ADGRL2: variants seen among roughly 807,000 people sequenced by gnomAD.
The protein encoded by ADGRL2 is adhesion G protein-coupled receptor L2, also known as calcium-independent alpha-latrotoxin receptor 2.
ADGRL2 carries 44 observed loss-of-function variants against 157.4 expected under a neutral mutation model. The ratio of observed to expected loss-of-function variants is 0.28; its 90% CI spans 0.22 to 0.36. ADGRL2 has a LOEUF of 0.36. Ranked by LOEUF, ADGRL2 falls within the 10% of genes least tolerant of loss-of-function variation. The pLI is 1.00. For missense variants in ADGRL2, 1,510 were observed against 1,768.9 expected (o/e 0.85, Z 2.63); for synonymous variants, 585 against 624.7 (o/e 0.94, Z 0.95).
At position 81,505,198 on chromosome 1, in the gene ADGRL2, C is replaced by CCACA. The variant is rs371854437; in HGVS notation, c.-248+60137_-248+60140dup. 1.9e-3 allele frequency: 947 copies of CCACA among 507,174 alleles called. 1 individual carries two copies. Among genetic ancestry groups the CCACA allele is most frequent in the South Asian group, 4.7e-3 (288 of 61,210 alleles). 31.4% of individuals were successfully genotyped at this position (507,174 alleles called of 1,614,324 possible). A position where few individuals can be genotyped will look rare whatever the true frequency, so the allele number is the denominator to read the frequency against. ...CCTCCACACACGCTCACCCCCACTC[C>CCACA]CACACACACACACACACACACACAC... On this transcript the variant is annotated intron_variant, in intron 2 of 24. Transcript: ENST00000370721.
chr1:81,912,960 T>G (rs1359492425), intron 3 of ADGRL2, among the ~76,000 whole-genome samples: 1 of 152,162 alleles, frequency 6.6e-6, no homozygotes, highest in Non-Finnish European at 1.5e-5. Context: ...AGGGATAAAC[T>G]TCTAGGATTT....
At chr1:81,571,702 A>T (rs1004601978) in intron 2 of ADGRL2, among the ~76,000 whole-genome samples, 1 of 152,114 alleles carries the variant, frequency 6.6e-6, no homozygotes, top group Non-Finnish European at 1.5e-5. Flanking sequence ...CACTCTAAAA[A>T]TATTAAGTCA....
At chr1:81,550,390 G>T (rs61773212) in intron 2 of ADGRL2, among the ~76,000 whole-genome samples, 228 of 152,284 alleles carry the variant, frequency 1.5e-3, no homozygotes, top group Non-Finnish European at 2.6e-3. Flanking sequence ...GTCTTTAATA[G>T]AAATTAATTT....
At chr1:81,746,041 T>C (rs966019605) in intron 1 of ADGRL2, among the ~76,000 whole-genome samples, 1 of 152,120 alleles carries the variant, frequency 6.6e-6, no homozygotes, top group African/African-American at 2.4e-5. Flanking sequence ...AAATATAACA[T>C]AATGCATGGA....
At chr1:81,345,013 T>G (rs1328762484) in intron 1 of ADGRL2, among the ~76,000 whole-genome samples, 1 of 152,172 alleles carries the variant, frequency 6.6e-6, no homozygotes, top group Non-Finnish European at 1.5e-5. Flanking sequence ...GGTCATGAAT[T>G]TTTGAAAGAA....
chr1:81,930,121 A>G (rs2095196162), intron 3 of ADGRL2, among the ~76,000 whole-genome samples: 1 of 152,166 alleles, frequency 6.6e-6, no homozygotes, highest in South Asian at 2.1e-4. Flanking sequence ...ACAGTATGCT[A>G]TATTATTTTT....
chr1:81,785,875 G>T (rs568092778), intron 2 of ADGRL2, among the ~76,000 whole-genome samples: 33 of 152,132 alleles, frequency 2.2e-4, no homozygotes, highest in African/African-American at 7.7e-4. Flanking sequence ...TGGAGGCCGA[G>T]GCAGGAGGAT....
intron 1 of ADGRL2, among the ~76,000 whole-genome samples, chr1:81,381,963 C>T (rs904060687): frequency 6.6e-6 from 1 of 152,108 alleles, no homozygotes; most frequent in African/African-American, 2.4e-5. Flanking sequence ...TCATGCCCTT[C>T]GTTGTTTGTG....
chr1:81,427,734 G>A lies in ADGRL2; in HGVS notation c.-301-17302G>A, dbSNP rs573178711. 22 of 377,760 alleles carry A rather than the reference G, an allele frequency of 5.8e-5. No individual in the cohort carries two copies. In the East Asian group the frequency reaches 1.0e-3, roughly 17 times the overall value. 23.4% of individuals were successfully genotyped at this position (377,760 alleles called of 1,614,324 possible). Reference sequence around the variant, plus strand: ...AAGGAACTTTAAAAATCTGCCAGAGGGAACAATGATCCATAGTCAGAAAAG... The same window carrying A: ...AAGGAACTTTAAAAATCTGCCAGAGAGAACAATGATCCATAGTCAGAAAAG... On this transcript the variant is annotated intron_variant, in intron 1 of 24. Transcript: ENST00000370721.
chr1:81,678,101 G>A (rs2083033411), intron 3 of ADGRL2, among the ~76,000 whole-genome samples: 2 of 152,086 alleles, frequency 1.3e-5, no homozygotes, highest in South Asian at 4.1e-4. Flanking sequence ...GAGCACATAG[G>A]AAGAATTTAT....
intron 3 of ADGRL2, among the ~76,000 whole-genome samples, chr1:81,630,107 T>A (rs1176558507): frequency 6.6e-6 from 1 of 152,106 alleles, no homozygotes; most frequent in Non-Finnish European, 1.5e-5. Flanking sequence ...TCTAGTGTTT[T>A]AGGACAAATT....
intron 1 of ADGRL2, among the ~76,000 whole-genome samples, chr1:81,717,555 G>A (rs1288622366): frequency 2.6e-5 from 4 of 152,298 alleles, no homozygotes; most frequent in African/African-American, 9.6e-5. Context: ...ATACATCCCT[G>A]AAAACTTCAA....
At chr1:81,535,404 T>C (rs1246351924) in intron 2 of ADGRL2, among the ~76,000 whole-genome samples, 1 of 152,130 alleles carries the variant, frequency 6.6e-6, no homozygotes, top group Non-Finnish European at 1.5e-5. Context: ...CATGTGTGTG[T>C]GTATGTGTGT....
At chr1:81,982,979 A>T (rs1662088825) in intron 19 of ADGRL2, among the ~76,000 whole-genome samples, 1 of 151,956 alleles carries the variant, frequency 6.6e-6, no homozygotes, top group Admixed American at 6.6e-5. Context: ...ATAACAATGA[A>T]CTTTAACTTC....
intron 1 of ADGRL2, among the ~76,000 whole-genome samples, chr1:81,378,131 A>T (rs2101030556): frequency 6.6e-6 from 1 of 152,146 alleles, no homozygotes; most frequent in African/African-American, 2.4e-5. Flanking sequence ...GCGAGCCGAG[A>T]TCGTGCCACT....
chr1:81,922,389 A>G lies in ADGRL2; in HGVS notation c.288-14339A>G, dbSNP rs1572142035. On this transcript the variant is annotated intron_variant, in intron 3 of 23. Transcript: ENST00000686636. ...AGGATCTTTCAAAGATTGTGTTTAT[A>G]TATATCTCAAAAATTATGAAAATAG... 2.6e-5 allele frequency among the ~76,000 whole-genome samples: 4 copies of G among 152,290 alleles called. No individual in the cohort carries two copies. The East Asian group carries it at 7.7e-4, about 29-fold the overall frequency.
intron 2 of ADGRL2, among the ~76,000 whole-genome samples, chr1:81,783,815 A>T (rs1341111313): frequency 6.6e-6 from 1 of 152,188 alleles, no homozygotes; most frequent in Non-Finnish European, 1.5e-5. Flanking sequence ...GCATTATAAA[A>T]GTTGTCAACT....
At chr1:81,359,189 G>A (rs192880937) in intron 1 of ADGRL2, among the ~76,000 whole-genome samples, 1 of 152,204 alleles carries the variant, frequency 6.6e-6, no homozygotes, top group East Asian at 1.9e-4. Context: ...ATATCCTTGA[G>A]TAAGAACAAT....
In ADGRL2 at chr1:81,951,081, G is replaced by C. The variant is rs1343201443; in HGVS notation, c.1568G>C (p.Ser523Thr). 1 of 1,613,630 alleles carries C rather than the reference G, an allele frequency of 6.2e-7. No individual in the cohort carries two copies. Among genetic ancestry groups the C allele is most frequent in the African/African-American group, 1.3e-5 (1 of 75,022 alleles). The change falls in exon 8 of 24, where the codon AGC (serine) becomes ACC (threonine). Residue 523 changes from serine (S) to threonine (T), a missense_variant. Coordinates refer to ENST00000686636, the MANE Select transcript of ADGRL2 (RefSeq NM_001366006.2). ...GTWNPKGPDLSNCTSHWVNQL... is the reference protein window; with the variant it reads ...GTWNPKGPDLTNCTSHWVNQL... ...TGGAACCCTAAGGGCCCCGATCTTA[G>C]CAACTGTACCTCACACTGGGTGAAT... is the stretch of plus-strand genomic sequence containing the variant.
Sources: gnomAD v4.1 joint callset for allele counts (sites outside exome capture counted in the v4.1 genomes callset) on GRCh38, gnomAD v4.1.1 for gene constraint, MANE v1.5 for transcripts, NCBI Gene and HGNC (gene_info 2026-07-23, HGNC 2026-07-21) for gene names.